Variants in GRIA1 observed in about 807,000 individuals in gnomAD.
The protein encoded by GRIA1 is glutamate receptor 1.
Under a neutral mutation model 99.2 loss-of-function variants are expected in GRIA1, and 31 were observed. That is an observed-to-expected ratio of 0.31 (90% CI 0.23 to 0.42). GRIA1 has a LOEUF of 0.42. Ranked by LOEUF, GRIA1 falls within the 10% of genes least tolerant of loss-of-function variation. The pLI, the probability that GRIA1 is intolerant of heterozygous loss-of-function variation, is 1.00. For missense variants in GRIA1, 782 were observed against 1,157.5 expected (o/e 0.68, Z 4.71); for synonymous variants, 438 against 432.4 (o/e 1.01, Z -0.16).
At chr5:153,708,701 T>C (rs545966113) in intron 11 of GRIA1, among the ~76,000 whole-genome samples, 1 of 152,356 alleles carries the variant, frequency 6.6e-6, no homozygotes, top group African/African-American at 2.4e-5. Context: ...ACGATGCCAC[T>C]GTTCACACTG....
At chr5:153,726,810 A>G (rs1348834432) in intron 11 of GRIA1, among the ~76,000 whole-genome samples, 3 of 152,246 alleles carry the variant, frequency 2.0e-5, no homozygotes, top group Admixed American at 2.0e-4. Flanking sequence ...CAGAGGTACA[A>G]GGAGGAATTG....
At chr5:153,803,107 A>T (rs1441487916) in intron 15 of GRIA1, among the ~76,000 whole-genome samples, 1 of 152,230 alleles carries the variant, frequency 6.6e-6, no homozygotes, top group South Asian at 2.1e-4. Context: ...GGCTAGTTCT[A>T]TGGAGTCCCA....
At chr5:153,646,678 T>C (rs1227546619) in intron 2 of GRIA1, among the ~76,000 whole-genome samples, 1 of 152,198 alleles carries the variant, frequency 6.6e-6, no homozygotes, top group Admixed American at 6.5e-5. Flanking sequence ...TTTACACAGA[T>C]GAATGAGGCA....
intron 8 of GRIA1, among the ~76,000 whole-genome samples, chr5:153,691,868 G>A (rs1581478655): frequency 6.6e-6 from 1 of 152,196 alleles, no homozygotes; most frequent in African/African-American, 2.4e-5. Flanking sequence ...ACAAGACGAG[G>A]ACAATAATTT....
intron 14 of GRIA1, among the ~76,000 whole-genome samples, chr5:153,800,342 C>G (rs906112427): frequency 2.6e-5 from 4 of 152,256 alleles, no homozygotes; most frequent in Admixed American, 6.5e-5. Flanking sequence ...GCATTACTCT[C>G]CAGAGGAAGA....
At chr5:153,674,114 A>G (rs967788702) in intron 5 of GRIA1, among the ~76,000 whole-genome samples, 7 of 152,250 alleles carry the variant, frequency 4.6e-5, no homozygotes, top group Admixed American at 4.6e-4. Flanking sequence ...CTGCATCATC[A>G]TAATAATCAC....
intron 2 of GRIA1, among the ~76,000 whole-genome samples, chr5:153,638,555 G>A (rs1037808691): frequency 1.1e-4 from 17 of 152,308 alleles, no homozygotes; most frequent in South Asian, 6.2e-4. Context: ...CCCAAGCAAG[G>A]CTAATCTTGA....
intron 2 of GRIA1, among the ~76,000 whole-genome samples, chr5:153,521,983 C>A (rs761533470): frequency 3.3e-5 from 5 of 152,172 alleles, no homozygotes; most frequent in Non-Finnish European, 7.4e-5. Flanking sequence ...GTCAGACATA[C>A]TTTTTAGGCC....
At chr5:153,589,884 C>T (rs563894948) in intron 2 of GRIA1, among the ~76,000 whole-genome samples, 84 of 152,256 alleles carry the variant, frequency 5.5e-4, no homozygotes, top group Non-Finnish European at 1.8e-4. Flanking sequence ...TGAATATTCA[C>T]GCAGCGCACA....
chr5:153,675,804 G>A (rs1756527983), intron 6 of GRIA1, among the ~76,000 whole-genome samples: 1 of 151,862 alleles, frequency 6.6e-6, no homozygotes, highest in Admixed American at 6.6e-5. Flanking sequence ...TGTAATGATT[G>A]CACTCCAATT....
intron 2 of GRIA1, among the ~76,000 whole-genome samples, chr5:153,540,615 T>C (rs1758987170): frequency 6.6e-6 from 1 of 152,166 alleles, no homozygotes. Context: ...TGTTAGTTAC[T>C]GAGAATATAC....
chr5:153,758,443 A>G lies in GRIA1; in HGVS notation c.1824-5991A>G, dbSNP rs191081805. ...CAGAAAAAAGTACATTTTCAGGAAA[A>G]AAATTATAACAAAAAAGACAAAGAA... On this transcript the variant is annotated intron_variant, in intron 11 of 15. Transcript: ENST00000285900. 1.1e-3 allele frequency among the ~76,000 whole-genome samples: 168 copies of G among 152,140 alleles called. 1 individual carries two copies. The highest frequency in any genetic ancestry group is 0.01 in the Middle Eastern group (3 of 294).
chr5:153,541,928 CAAAAAAAAAA>C (rs57442019), intron 2 of GRIA1, among the ~76,000 whole-genome samples: 34 of 97,430 alleles, frequency 3.5e-4, no homozygotes, highest in South Asian at 5.1e-4. Flanking sequence ...GATCCTGTTT[CAAAAAAAAAA>C]AAAAAAAAAA....
At chr5:153,517,283 G>A (rs1308368484) in intron 2 of GRIA1, among the ~76,000 whole-genome samples, 1 of 152,174 alleles carries the variant, frequency 6.6e-6, no homozygotes, top group Admixed American at 6.5e-5. Context: ...CAGAGTGCCT[G>A]CATGGCTTTA....
Position 153,706,128 on chromosome 5 carries a change from G to GTTTTTTTTTTTT in GRIA1, c.1823+64_1823+65insTTTTTTTTTTTT, listed in dbSNP as rs763821992. The GTTTTTTTTTTTT allele has an allele frequency of 6.3e-5, 95 of 1,503,790 alleles. No homozygotes were observed. In the African/African-American group the frequency reaches 1.0e-3, roughly 16 times the overall value. The allele number at this position is 1,503,790 out of a possible 1,614,324, so 93.2% of individuals were successfully genotyped here. ...TATGGTTTTGTTTGTTTGTTTGTTTGTTTGTTTTTTAAATACTGAAAAGTA... is the reference window on the plus strand; with the variant it reads ...TATGGTTTTGTTTGTTTGTTTGTTTGTTTTTTTTTTTTTTTGTTTTTTAAATACTGAAAAGTA... On this transcript the variant is annotated intron_variant, in intron 11 of 15. Transcript: ENST00000285900.
At chr5:153,557,411 C>A (rs1378985499) in intron 2 of GRIA1, among the ~76,000 whole-genome samples, 2 of 152,120 alleles carry the variant, frequency 1.3e-5, no homozygotes, top group Non-Finnish European at 2.9e-5. Flanking sequence ...ATTACAGGCA[C>A]CTGCCCCCAT....
At position 153,741,263 on chromosome 5, in the gene GRIA1, C is replaced by T. The variant is rs887073985; in HGVS notation, c.1824-23171C>T. Among the ~76,000 whole-genome samples, 14 of 152,174 alleles carry T rather than the reference C, an allele frequency of 9.2e-5. 1 individual carries two copies. Among genetic ancestry groups the T allele is most frequent in the African/African-American group, 2.6e-4 (11 of 41,540 alleles). ...TGCTGGGATTACAGGCGTGAGCCACCGCTCCCGGCCAGAAATTAGAATTCT... is the reference window on the plus strand; with the variant it reads ...TGCTGGGATTACAGGCGTGAGCCACTGCTCCCGGCCAGAAATTAGAATTCT... On this transcript the variant is annotated intron_variant, in intron 11 of 15. Transcript: ENST00000285900.
intron 2 of GRIA1, among the ~76,000 whole-genome samples, chr5:153,540,971 G>A (rs1285425813): frequency 2.0e-5 from 3 of 152,140 alleles, no homozygotes; most frequent in African/African-American, 4.8e-5. Flanking sequence ...TGATGTAGGA[G>A]AGGCAGGCAG....
intron 2 of GRIA1, chr5:153,573,247 G>A (rs1364791967): frequency 6.6e-6 from 1 of 152,160 alleles, no homozygotes; most frequent in African/African-American, 2.4e-5. Flanking sequence ...GTTGGGCTAG[G>A]GGCCTGCCTG....
Sources: gnomAD v4.1 joint callset for allele counts (sites outside exome capture counted in the v4.1 genomes callset) on GRCh38, gnomAD v4.1.1 for gene constraint, MANE v1.5 for transcripts, NCBI Gene and HGNC (gene_info 2026-07-23, HGNC 2026-07-21) for gene names.